Variants in BAZ2B observed in about 807,000 individuals in gnomAD.
BAZ2B encodes the protein bromodomain adjacent to zinc finger domain 2B.
BAZ2B carries 91 observed loss-of-function variants against 246.0 expected under a neutral mutation model. The observed-to-expected ratio is 0.37, with a 90% CI of 0.31 to 0.44. The LOEUF is 0.44. BAZ2B is among the 20% of genes least tolerant of loss of function. The probability of loss-of-function intolerance (pLI) is 1.00; values close to 1 mark genes in which losing one functional copy is unlikely to be tolerated. For missense variants in BAZ2B, 2,332 were observed against 2,533.7 expected, an observed-to-expected ratio of 0.92 and a Z score of 1.71; for synonymous variants, 855 against 860.0, an observed-to-expected ratio of 0.99 and a Z score of 0.10.
the BAZ2B span, among the ~76,000 whole-genome samples, chr2:159,698,238 TAGGCC>T: frequency 6.6e-6 from 1 of 152,058 alleles, no homozygotes; most frequent in Non-Finnish European, 1.5e-5. Context: ...AATATTTTAC[TAGGCC>T]AGGCATAGTG....
chr2:159,329,688 A>G (rs933988246), intron 34 of BAZ2B, among the ~76,000 whole-genome samples: 4 of 152,202 alleles, frequency 2.6e-5, no homozygotes, highest in African/African-American at 9.6e-5. Flanking sequence ...CCTTCATTAT[A>G]TATCAAAATC....
intron 2 of BAZ2B, among the ~76,000 whole-genome samples, chr2:159,534,673 G>A (rs2085742303): frequency 6.6e-6 from 1 of 151,534 alleles, no homozygotes; most frequent in Non-Finnish European, 1.5e-5. Flanking sequence ...CTGTCGCCAG[G>A]CTGGAGGGCA....
intron 3 of BAZ2B, chr2:159,462,605 G>T: frequency 2.3e-6 from 2 of 885,330 alleles, no homozygotes. Context: ...ATTCGAAACA[G>T]TTAGCGAATC....
chr2:159,597,160 T>C (rs958814536), intron 1 of BAZ2B, among the ~76,000 whole-genome samples: 5 of 140,332 alleles, frequency 3.6e-5, no homozygotes, highest in East Asian at 1.9e-4. Context: ...ATGTTGAGCA[T>C]TTTTTCATGT....
In BAZ2B at chr2:159,325,776, C is replaced by T; in HGVS notation, c.6086G>A (p.Gly2029Glu). The change falls in exon 35 of 37, where the codon GGA (glycine) becomes GAA (glutamate). Residue 2029 changes from glycine to glutamate, a missense_variant. Gly to Glu is a moderately conservative substitution (Grantham distance 98). Around this residue, in one of 9 missense-constraint regions of BAZ2B, gnomAD observed 210 missense variants for 232.5 expected, o/e 0.90. Coordinates refer to ENST00000392783, the MANE Select transcript of BAZ2B (RefSeq NM_013450.4). The stretch of plus-strand genomic sequence containing the variant: ...TTTTCTTTTCTTGAGGTCTTTGTTT[C>T]CTCTTTTTAGTGAACTACTTGTAGA... ...SASTSSSLKR[G>E]NKDLKKRKME... 1 of 1,605,248 alleles carries T rather than the reference C, an allele frequency of 6.2e-7. No individual in the cohort carries two copies. The highest frequency in any genetic ancestry group is 1.1e-5 in the South Asian group (1 of 87,942).
intron 1 of BAZ2B, among the ~76,000 whole-genome samples, chr2:159,577,156 G>T (rs186747859): frequency 1.3e-5 from 2 of 151,674 alleles, no homozygotes; most frequent in South Asian, 4.2e-4. Context: ...TGAGCCCAGG[G>T]GGTCAAGGCT....
At chr2:159,633,620 G>GT in the BAZ2B span, among the ~76,000 whole-genome samples, 2 of 150,572 alleles carry the variant, frequency 1.3e-5, no homozygotes, top group Non-Finnish European at 1.5e-5. Flanking sequence ...ATGGGGAAAT[G>GT]TTTTTATCTC....
intron 21 of BAZ2B, among the ~76,000 whole-genome samples, chr2:159,387,586 C>G (rs922460463): frequency 6.6e-6 from 1 of 152,104 alleles, no homozygotes; most frequent in Non-Finnish European, 1.5e-5. Context: ...TAGCTCATCT[C>G]ATACAAATAT....
At chr2:159,513,577 T>C (rs1340095753) in intron 2 of BAZ2B, among the ~76,000 whole-genome samples, 2 of 152,178 alleles carry the variant, frequency 1.3e-5, no homozygotes, top group Non-Finnish European at 2.9e-5. Flanking sequence ...GGCAACACCA[T>C]CCTTCCAGCT....
chr2:159,399,878 C>T (rs1211635594), intron 17 of BAZ2B, among the ~76,000 whole-genome samples: 1 of 152,178 alleles, frequency 6.6e-6, no homozygotes, highest in African/African-American at 2.4e-5. Flanking sequence ...TGCTTAGACA[C>T]AGTACACTAA....
At chr2:159,653,241 C>T in the BAZ2B span, among the ~76,000 whole-genome samples, 2 of 152,154 alleles carry the variant, frequency 1.3e-5, no homozygotes, top group South Asian at 2.1e-4. Context: ...CACCTGGCAC[C>T]AAGTGTCCTT....
chr2:159,508,490 C>G (rs762079719), intron 2 of BAZ2B, among the ~76,000 whole-genome samples: 7 of 152,014 alleles, frequency 4.6e-5, no homozygotes, highest in Non-Finnish European at 1.0e-4. Context: ...ACTTATTTCC[C>G]AAAAGATTTC....
At position 159,332,663 on chromosome 2, in the gene BAZ2B, T is replaced by C. The variant is rs2064973756; in HGVS notation, c.5820A>G (p.Gly1940=). The C allele has an allele frequency of 6.2e-7, 1 of 1,613,842 alleles. No homozygotes were observed. The highest frequency in any genetic ancestry group is 1.3e-5 in the African/African-American group (1 of 74,892). The change falls in exon 34 of 37, where the codon GGA becomes GGG. Residue 1940 remains glycine, a synonymous_variant. Transcript: ENST00000392783. ...AAAGAAGAAGCAGTTCTTCATTATC[T>C]CCCTTTCGACAGATTTGGCAGTACT... ...MKVYCQICRK[G]DNEELLLLCD...
chr2:159,597,053 C>T (rs540883429), intron 1 of BAZ2B, among the ~76,000 whole-genome samples: 10 of 152,294 alleles, frequency 6.6e-5, no homozygotes, highest in African/African-American at 2.2e-4. Context: ...TCCATGCCAA[C>T]ATCTATTATT....
chr2:159,690,577 T>C, the BAZ2B span, among the ~76,000 whole-genome samples: 1 of 152,184 alleles, frequency 6.6e-6, no homozygotes, highest in Non-Finnish European at 1.5e-5. Flanking sequence ...ACTGATTTAT[T>C]ATTTGAGTTA....
intron 24 of BAZ2B, among the ~76,000 whole-genome samples, 157 bp downstream of exon 24, chr2:159,383,449 G>A (rs954488009): frequency 6.6e-5 from 10 of 151,974 alleles, no homozygotes; most frequent in African/African-American, 2.4e-4. Flanking sequence ...TGCAAATTCT[G>A]CCCCTGAGTT....
At chr2:159,558,035 A>G (rs1476071934) in intron 1 of BAZ2B, among the ~76,000 whole-genome samples, 2 of 152,154 alleles carry the variant, frequency 1.3e-5, no homozygotes, top group African/African-American at 4.8e-5. Context: ...GGGAAACCCA[A>G]ATCTTAAATG....
intron 31 of BAZ2B, among the ~76,000 whole-genome samples, chr2:159,342,762 T>TA (rs1367026972): frequency 1.3e-5 from 2 of 151,580 alleles, no homozygotes; most frequent in African/African-American, 4.8e-5. Context: ...AAACACTGAT[T>TA]AAAAAAAACT....
At chr2:159,645,826 A>T in the BAZ2B span, among the ~76,000 whole-genome samples, 1 of 152,002 alleles carries the variant, frequency 6.6e-6, no homozygotes, top group Non-Finnish European at 1.5e-5. Flanking sequence ...TTTATTAGGG[A>T]TTTGCAAAAG....
Sources: allele counts gnomAD v4.1 joint callset (sites outside exome capture counted in the v4.1 genomes callset), GRCh38; gene constraint gnomAD v4.1.1; regional missense constraint gnomAD v4.1.1; transcripts MANE v1.5; gene names NCBI Gene and HGNC (gene_info 2026-07-23, HGNC 2026-07-21).